Variants in CNTN6 observed in about 807,000 individuals in gnomAD.
CNTN6 encodes the protein contactin 6.
CNTN6 carries 137 observed loss-of-function variants against 122.8 expected under a neutral mutation model. That is an observed-to-expected ratio of 1.12 (90% CI 0.97 to 1.29). CNTN6 has a LOEUF of 1.29. Among genes scored for constraint, CNTN6 ranks in the 50% most tolerant of loss-of-function variants. CNTN6 has a pLI of 0.00. For missense variants in CNTN6, 1,634 were observed against 1,223.4 expected (o/e 1.34, Z -5.01); for synonymous variants, 570 against 426.0 (o/e 1.34, Z -4.16).
chr3:1,119,892 C>T (rs545917484), intron 1 of CNTN6, among the ~76,000 whole-genome samples: 1 of 152,124 alleles, frequency 6.6e-6, no homozygotes, highest in South Asian at 2.1e-4. Context: ...GTCAATCCTA[C>T]CACATTTCTT....
chr3:1,181,114 T>A (rs1023393272), intron 2 of CNTN6, among the ~76,000 whole-genome samples: 6 of 152,144 alleles, frequency 3.9e-5, no homozygotes, highest in African/African-American at 1.4e-4. Context: ...TGTATGACCT[T>A]TTTTCCCCTT....
rs183528953 is a variant in CNTN6, at chr3:1,381,698, C to A, written c.2167-1244C>A. ...ACCTGGCTGCCAGCTAATTTGGATG[C>A]CCTCTCTCTAATTTACAGCATCTGT... is the stretch of plus-strand genomic sequence containing the variant. On this transcript the variant is annotated intron_variant, in intron 17 of 22. Transcript: ENST00000446702. 3.7e-3 allele frequency among the ~76,000 whole-genome samples: 562 copies of A among 152,266 alleles called. 14 individuals carry two copies. The highest frequency in any genetic ancestry group is 0.026 in the Admixed American group (404 of 15,266).
chr3:1,323,891 A>AAGAGATAT, intron 8 of CNTN6, among the ~76,000 whole-genome samples: 2 of 139,680 alleles, frequency 1.4e-5, no homozygotes, highest in African/African-American at 6.6e-5. Context: ...CGTTGAATAA[A>AAGAGATAT]TAAATGTGTT....
At chr3:1,110,052 T>C (rs1268188249) in intron 1 of CNTN6, among the ~76,000 whole-genome samples, 1 of 152,094 alleles carries the variant, frequency 6.6e-6, no homozygotes, top group Non-Finnish European at 1.5e-5. Context: ...TGCTTGAATA[T>C]TTTACATGGC....
At chr3:1,184,897 G>A (rs1351299450) in intron 2 of CNTN6, among the ~76,000 whole-genome samples, 1 of 151,956 alleles carries the variant, frequency 6.6e-6, no homozygotes, top group Non-Finnish European at 1.5e-5. Context: ...AATCATATGA[G>A]GATATAAAAT....
At position 1,402,756 on chromosome 3, in the gene CNTN6, T is replaced by G. The variant is rs563759478; in HGVS notation, c.2986+270T>G. On this transcript the variant is annotated intron_variant, in intron 22 of 22. Coordinates refer to ENST00000446702, the MANE Select transcript of CNTN6 (RefSeq NM_001289080.2). The stretch of plus-strand genomic sequence containing the variant: ...CATTAGAGCATAATTGTATCACTCA[T>G]TCTATTATCACAAAAATCAGAAAGA... The G allele has an allele frequency of 9.9e-6, 3 of 304,202 alleles. No individual in the cohort carries two copies. The South Asian group carries it at 2.7e-4, about 27-fold the overall frequency. The allele number at this position is 304,202 out of a possible 1,614,324, so 18.8% of individuals were successfully genotyped here.
At chr3:1,094,925 T>A (rs2090443662) in intron 1 of CNTN6, among the ~76,000 whole-genome samples, 1 of 152,028 alleles carries the variant, frequency 6.6e-6, no homozygotes. Flanking sequence ...TTCTACCTAT[T>A]AAAAATGACT....
At chr3:1,120,505 T>C (rs2125057959) in intron 1 of CNTN6, among the ~76,000 whole-genome samples, 1 of 152,114 alleles carries the variant, frequency 6.6e-6, no homozygotes, top group Admixed American at 6.6e-5. Flanking sequence ...AAAGTGTTTA[T>C]GAAAATATTT....
chr3:1,333,657 A>G lies in CNTN6; in HGVS notation c.1364+3722A>G, dbSNP rs1039331616. On this transcript the variant is annotated intron_variant, in intron 11 of 22. Coordinates refer to ENST00000446702, the MANE Select transcript of CNTN6 (RefSeq NM_001289080.2). ...TTCATTGTCACTAACTCTTGCAGCC[A>G]ATAAAGTATAACTACCTAGAGATGG... 2.5e-4 allele frequency among the ~76,000 whole-genome samples: 38 copies of G among 152,110 alleles called. 1 individual carries two copies. The highest frequency in any genetic ancestry group is 1.6e-4 in the Non-Finnish European group (11 of 68,010).
chr3:1,310,283 G>A (rs1278406424), intron 7 of CNTN6, among the ~76,000 whole-genome samples: 1 of 152,040 alleles, frequency 6.6e-6, no homozygotes, highest in East Asian at 1.9e-4. Context: ...ATCAAGTTGG[G>A]GAGCTTCCTC....
chr3:1,130,263 C>A (rs556879076), intron 1 of CNTN6, among the ~76,000 whole-genome samples: 9 of 152,050 alleles, frequency 5.9e-5, no homozygotes, highest in African/African-American at 2.2e-4. Flanking sequence ...GCTGTCTATG[C>A]CCTTAGTGAA....
At chr3:1,345,982 A>ATT (rs78447390) in intron 11 of CNTN6, among the ~76,000 whole-genome samples, 2 of 144,712 alleles carry the variant, frequency 1.4e-5, no homozygotes, top group Non-Finnish European at 3.1e-5. Flanking sequence ...CGATGACCTG[A>ATT]TTTTTTTTTT....
chr3:1,220,967 T>C (rs1168428067), intron 3 of CNTN6, among the ~76,000 whole-genome samples, 154 bp downstream of exon 3: 3 of 152,190 alleles, frequency 2.0e-5, no homozygotes, highest in Non-Finnish European at 4.4e-5. Flanking sequence ...ATCACTCAGA[T>C]AAAGATATAG....
chr3:1,359,485 C>T (rs78802177), intron 12 of CNTN6, among the ~76,000 whole-genome samples: 5,237 of 151,908 alleles, frequency 0.034, 127 homozygotes, highest in South Asian at 0.057. Context: ...AATATTTATT[C>T]CAAACCATTT....
At chr3:1,238,281 G>A (rs1410405127) in intron 4 of CNTN6, among the ~76,000 whole-genome samples, 2 of 152,096 alleles carry the variant, frequency 1.3e-5, no homozygotes, top group Non-Finnish European at 2.9e-5. Context: ...AAGCAAGCAG[G>A]AGTAGCTATT....
At chr3:1,129,634 A>T (rs112053200) in intron 1 of CNTN6, among the ~76,000 whole-genome samples, 99 of 152,206 alleles carry the variant, frequency 6.5e-4, no homozygotes, top group African/African-American at 2.3e-3. Flanking sequence ...CTAATATGCA[A>T]AGTGCTATAT....
At chr3:1,119,656 A>C (rs1246478179) in intron 1 of CNTN6, among the ~76,000 whole-genome samples, 1 of 148,780 alleles carries the variant, frequency 6.7e-6, no homozygotes, top group Non-Finnish European at 1.5e-5. Context: ...TCATTTTTCT[A>C]CCCTTTCCTT....
chr3:1,227,714 T>C (rs1431888139), intron 3 of CNTN6, 104 bp from the exon 4 acceptor site: 1 of 1,217,320 alleles, frequency 8.2e-7, no homozygotes, highest in Admixed American at 2.2e-5. Context: ...AATCATGTTT[T>C]TTGGTGTTTT....
chr3:1,386,871 A>C (rs1693056995), intron 20 of CNTN6, among the ~76,000 whole-genome samples: 1 of 152,188 alleles, frequency 6.6e-6, no homozygotes, highest in Non-Finnish European at 1.5e-5. Flanking sequence ...AGAGTTTGAA[A>C]ATAAAGTTAT....
Sources: gnomAD v4.1 joint callset for allele counts (sites outside exome capture counted in the v4.1 genomes callset) on GRCh38, gnomAD v4.1.1 for gene constraint, MANE v1.5 for transcripts, NCBI Gene and HGNC (gene_info 2026-07-23, HGNC 2026-07-21) for gene names.